SDK1: variants seen among roughly 807,000 people sequenced by gnomAD.
SDK1 encodes the protein sidekick cell adhesion molecule 1, also known as protein sidekick-1.
A neutral mutation model predicts 245.5 loss-of-function variants in SDK1; 157 were observed. That is an observed-to-expected ratio of 0.64 (90% confidence interval 0.56 to 0.73). The LOEUF is 0.73. Ranked by LOEUF, SDK1 falls within the 30% of genes least tolerant of loss-of-function variation. SDK1 has a pLI of 0.00. For missense variants in SDK1, 3,583 were observed against 3,002.3 expected, an observed-to-expected ratio of 1.19 and a Z score of -4.52; for synonymous variants, 1,647 against 1,278.5, an observed-to-expected ratio of 1.29 and a Z score of -6.15.
At chr7:3,482,041 T>C (rs1170268872) in intron 1 of SDK1, among the ~76,000 whole-genome samples, 2 of 151,500 alleles carry the variant, frequency 1.3e-5, no homozygotes, top group Non-Finnish European at 2.9e-5. Context: ...ATGTCAAACA[T>C]CTATTAAAGA....
At chr7:3,597,943 G>T (rs1050857300) in intron 1 of SDK1, among the ~76,000 whole-genome samples, 1 of 151,934 alleles carries the variant, frequency 6.6e-6, no homozygotes, top group Non-Finnish European at 1.5e-5. Context: ...TTTTCCTCTT[G>T]GGGGAAATAT....
chr7:3,953,844 T>A (rs1482920807), intron 7 of SDK1, among the ~76,000 whole-genome samples: 1 of 152,234 alleles, frequency 6.6e-6, no homozygotes, highest in East Asian at 1.9e-4. Flanking sequence ...CCCCTTTTAT[T>A]CATAAGAATT....
intron 5 of SDK1, among the ~76,000 whole-genome samples, chr7:3,861,458 C>G (rs948867164): frequency 6.6e-6 from 1 of 152,090 alleles, no homozygotes; most frequent in Non-Finnish European, 1.5e-5. Context: ...TTGGGGAGTG[C>G]TTGTGTGCTT....
At chr7:3,691,146 C>T (rs914050653) in intron 4 of SDK1, among the ~76,000 whole-genome samples, 2 of 151,834 alleles carry the variant, frequency 1.3e-5, no homozygotes, top group Admixed American at 6.6e-5. Flanking sequence ...ATGTTTCATT[C>T]CTTAGAATCA....
At chr7:3,581,534 A>T (rs138921266) in intron 1 of SDK1, among the ~76,000 whole-genome samples, 4 of 152,164 alleles carry the variant, frequency 2.6e-5, no homozygotes, top group African/African-American at 7.2e-5. Flanking sequence ...GGGAGCACTT[A>T]CACACCGTTG....
chr7:4,112,510 G>A (rs1312106059), intron 23 of SDK1, among the ~76,000 whole-genome samples: 1 of 152,130 alleles, frequency 6.6e-6, no homozygotes, highest in African/African-American at 2.4e-5. Context: ...CATTTAAAAG[G>A]CTGGACTTCA....
intron 16 of SDK1, among the ~76,000 whole-genome samples, chr7:4,014,673 G>A (rs1786256425): frequency 6.6e-6 from 1 of 152,062 alleles, no homozygotes; most frequent in African/African-American, 2.4e-5. Flanking sequence ...TAATAGGGAG[G>A]GTGTTTCTTT....
intron 4 of SDK1, among the ~76,000 whole-genome samples, chr7:3,771,343 C>G (rs1390411925): frequency 6.6e-6 from 1 of 152,070 alleles, no homozygotes; most frequent in African/African-American, 2.4e-5. Context: ...ACAGGATCAG[C>G]CCAGAGTCAA....
chr7:3,756,305 C>T (rs900149294), intron 4 of SDK1, among the ~76,000 whole-genome samples: 2 of 150,944 alleles, frequency 1.3e-5, no homozygotes, highest in Non-Finnish European at 3.0e-5. Flanking sequence ...TTGACCCTGA[C>T]TCCTTTCACA....
intron 1 of SDK1, among the ~76,000 whole-genome samples, chr7:3,392,873 A>G (rs1333194931): frequency 6.6e-6 from 1 of 151,322 alleles, no homozygotes; most frequent in Non-Finnish European, 1.5e-5. Context: ...GTTGATGGAC[A>G]CTTGGGTTGT....
rs192944797 is a variant in SDK1 at position 3,503,751 on chromosome 7, G to T, written c.299-115329G>T. ...TATACTTAAGAGTAAACTTTAAAAA[G>T]TTCAAGACTAGTACACTGAAAATTT... On this transcript the variant is annotated intron_variant, in intron 1 of 44. Transcript: ENST00000404826. 2.4e-3 allele frequency among the ~76,000 whole-genome samples: 371 copies of T among 152,160 alleles called. 3 individuals carry two copies. The highest frequency in any genetic ancestry group is 0.018 in the South Asian group (87 of 4,818).
intron 4 of SDK1, among the ~76,000 whole-genome samples, chr7:3,751,541 C>T (rs1779771996): frequency 6.6e-6 from 1 of 152,150 alleles, no homozygotes; most frequent in Non-Finnish European, 1.5e-5. Context: ...CAAAGCCTGG[C>T]CATCCCGTCA....
At chr7:3,581,486 T>G (rs1780492838) in intron 1 of SDK1, among the ~76,000 whole-genome samples, 1 of 151,968 alleles carries the variant, frequency 6.6e-6, no homozygotes, top group African/African-American at 2.4e-5. Context: ...TCATTAAAAG[T>G]CAAAAAATAA....
chr7:3,929,098 T>A (rs1359886969), intron 5 of SDK1, among the ~76,000 whole-genome samples: 1 of 152,132 alleles, frequency 6.6e-6, no homozygotes, highest in Non-Finnish European at 1.5e-5. Context: ...CTCGAAGGAG[T>A]CTAGGCTGCC....
At chr7:4,147,736 C>A (rs1173485693) in intron 29 of SDK1, among the ~76,000 whole-genome samples, 1 of 152,188 alleles carries the variant, frequency 6.6e-6, no homozygotes, top group African/African-American at 2.4e-5. Context: ...GCCCCTATCC[C>A]CCTGCTGCCA....
intron 1 of SDK1, among the ~76,000 whole-genome samples, chr7:3,392,249 A>G (rs1781777695): frequency 6.6e-6 from 1 of 152,116 alleles, no homozygotes; most frequent in Non-Finnish European, 1.5e-5. Context: ...ACTTGTGACC[A>G]ATGATTTCTT....
chr7:4,224,173 C>A (rs1208987906), intron 40 of SDK1, among the ~76,000 whole-genome samples: 1 of 152,204 alleles, frequency 6.6e-6, no homozygotes, highest in Non-Finnish European at 1.5e-5. Flanking sequence ...TCTGTGACTC[C>A]GTTCTCACAT....
intron 5 of SDK1, among the ~76,000 whole-genome samples, chr7:3,892,943 A>G (rs958410824): frequency 6.6e-6 from 1 of 152,172 alleles, no homozygotes; most frequent in African/African-American, 2.4e-5. Flanking sequence ...CTGCCAGCGC[A>G]CTTCACATGG....
intron 4 of SDK1, among the ~76,000 whole-genome samples, chr7:3,711,115 A>G (rs1178279931): frequency 6.6e-6 from 1 of 152,206 alleles, no homozygotes; most frequent in Non-Finnish European, 1.5e-5. Flanking sequence ...CAAAAGTTTG[A>G]ATTGTCTTAT....
Sources: gnomAD v4.1 joint callset for allele counts (sites outside exome capture counted in the v4.1 genomes callset) on GRCh38, gnomAD v4.1.1 for gene constraint, MANE v1.5 for transcripts, NCBI Gene and HGNC (gene_info 2026-07-23, HGNC 2026-07-21) for gene names.